FRRS1L: variants seen among roughly 807,000 people sequenced by gnomAD.
The protein encoded by FRRS1L is ferric chelate reductase 1 like, also known as DOMON domain-containing protein FRRS1L.
A neutral mutation model predicts 28.6 loss-of-function variants in FRRS1L; 22 were observed. That is an observed-to-expected ratio of 0.77 (90% CI 0.55 to 1.10). The LOEUF is 1.10. Ranked by LOEUF, FRRS1L falls within the 50% of genes least tolerant of loss-of-function variation. FRRS1L has a pLI of 0.00. For missense variants in FRRS1L, 380 were observed against 386.9 expected (o/e 0.98, Z 0.15); for synonymous variants, 158 against 151.4 (o/e 1.04, Z -0.32).
chr9:109,165,733 G>C (rs1479456010), intron 1 of FRRS1L, among the ~76,000 whole-genome samples: 1 of 152,158 alleles, frequency 6.6e-6, no homozygotes, highest in Non-Finnish European at 1.5e-5. Context: ...GGCCAAAGAA[G>C]TATAAAAATT....
intron 4 of FRRS1L, chr9:109,138,463 T>G (rs913787731): frequency 4.6e-5 from 7 of 152,162 alleles, no homozygotes; most frequent in African/African-American, 1.7e-4. Context: ...GGAATAGGGC[T>G]CAGAGTGAGG....
intron 1 of FRRS1L, among the ~76,000 whole-genome samples, chr9:109,165,413 G>T (rs1460338751): frequency 6.6e-6 from 1 of 152,188 alleles, no homozygotes; most frequent in Non-Finnish European, 1.5e-5. Context: ...GCCTCAGGGG[G>T]ATGGCAGAGC....
At position 109,136,505 on chromosome 9, in the gene FRRS1L, C is replaced by T. The variant is rs1011994318; in HGVS notation, c.*950G>A. 13 of 151,616 alleles carry T rather than the reference C, an allele frequency of 8.6e-5. No homozygotes were observed. Among genetic ancestry groups the T allele is most frequent in the African/African-American group, 3.2e-4 (13 of 41,262 alleles). The allele number at this position is 151,616 out of a possible 1,614,324, so 9.4% of individuals were successfully genotyped here. On this transcript the variant is annotated 3_prime_UTR_variant, in exon 5 of 5. Coordinates refer to ENST00000561981, the MANE Select transcript of FRRS1L (RefSeq NM_014334.4). ...CTGCTCTCTAACTGAGAAGAAATTTCAAATAAATATTATTTATTTAGTTAG... is the reference window on the plus strand; with the variant it reads ...CTGCTCTCTAACTGAGAAGAAATTTTAAATAAATATTATTTATTTAGTTAG...
intron 4 of FRRS1L, 82 bp downstream of exon 4, chr9:109,141,261 C>T (rs749534692): frequency 6.7e-7 from 1 of 1,498,704 alleles, no homozygotes; most frequent in Non-Finnish European, 9.2e-7. Flanking sequence ...CTCTCTTGTG[C>T]ACACAGTGTG....
intron 1 of FRRS1L, among the ~76,000 whole-genome samples, chr9:109,163,670 C>T (rs1395122494): frequency 6.6e-6 from 1 of 152,116 alleles, no homozygotes; most frequent in African/African-American, 2.4e-5. Flanking sequence ...ATTCCCACCT[C>T]CACTATTCAA....
intron 1 of FRRS1L, among the ~76,000 whole-genome samples, chr9:109,158,835 A>C (rs929493372): frequency 8.5e-5 from 13 of 152,258 alleles, no homozygotes; most frequent in African/African-American, 3.1e-4. Flanking sequence ...ATTCCCTTGG[A>C]GTAGAAATGC....
At chr9:109,156,583 G>A (rs1831409616) in intron 1 of FRRS1L, among the ~76,000 whole-genome samples, 1 of 150,908 alleles carries the variant, frequency 6.6e-6, no homozygotes, top group Non-Finnish European at 1.5e-5. Flanking sequence ...TAGAGACGGG[G>A]TTTCACCATG....
rs2118522778 is a variant in FRRS1L, at chr9:109,166,928, A to G, written c.211T>C (p.Tyr71His). ...SSYGTFAGEF[Y>H]DLRYLSEEGY... is the part of the protein sequence containing the mutation. ...TCCTCCGACAGGTAGCGCAGGTCGT[A>G]GAACTCCCCCGCGAAGGTGCCGTAG... Residue 71 changes from tyrosine (Y) to histidine (H), a missense_variant, in exon 1 of 5, where the codon TAC becomes CAC. Tyr to His is a moderately conservative substitution (Grantham distance 83). Coordinates refer to ENST00000561981, the MANE Select transcript of FRRS1L (RefSeq NM_014334.4). The G allele has an allele frequency of 7.3e-7, 1 of 1,366,914 alleles. No individual in the cohort carries two copies. The highest frequency in any genetic ancestry group is 9.5e-7 in the Non-Finnish European group (1 of 1,050,782). 84.7% of individuals were successfully genotyped at this position (1,366,914 alleles called of 1,614,324 possible).
Position 109,166,968 on chromosome 9 carries a change from C to T in FRRS1L, c.171G>A (p.Pro57=). 1 of 1,333,132 alleles carries T rather than the reference C, an allele frequency of 7.5e-7. No homozygotes were observed. The allele number at this position is 1,333,132 out of a possible 1,614,324, so 82.6% of individuals were successfully genotyped here. Residue 57 remains proline (P), a synonymous_variant, in exon 1 of 5, where the codon CCG becomes CCA. Transcript: ENST00000561981. ...RGDTGADEAV[P]RHDSSYGTFA... ...AGGTGCCGTAGGAGGAGTCGTGGCGCGGCACCGCCTCGTCGGCGCCCGTGT... is the reference window on the plus strand; with the variant it reads ...AGGTGCCGTAGGAGGAGTCGTGGCGTGGCACCGCCTCGTCGGCGCCCGTGT...
chr9:109,149,917 T>C, intron 1 of FRRS1L, 197 bp from the exon 2 acceptor site: 1 of 554,554 alleles, frequency 1.8e-6, no homozygotes, highest in East Asian at 3.1e-5. Context: ...TAATCTTGCA[T>C]GTGAACTGAG....
rs1341123114 is a variant in FRRS1L at position 109,131,777 on chromosome 9, A to C, written c.*5678T>G. The C allele has an allele frequency of 1.3e-5, 2 of 152,218 alleles. No homozygotes were observed. Among genetic ancestry groups the C allele is most frequent in the Non-Finnish European group, 2.9e-5 (2 of 68,028 alleles). The allele number at this position is 152,218 out of a possible 1,614,324, so 9.4% of individuals were successfully genotyped here. The stretch of plus-strand genomic sequence containing the variant: ...AGAACCACCTAACTGTTCACTAAAC[A>C]TAACCAATTCCGTTTAGAGAACAAG... On this transcript the variant is annotated 3_prime_UTR_variant, in exon 5 of 5. Coordinates refer to ENST00000561981, the MANE Select transcript of FRRS1L (RefSeq NM_014334.4).
At position 109,163,781 on chromosome 9, in the gene FRRS1L, T is replaced by C. The variant is rs190320915; in HGVS notation, c.238+3120A>G. Among the ~76,000 whole-genome samples the C allele has an allele frequency of 1.9e-3, 286 of 152,252 alleles. 1 individual carries two copies. Among genetic ancestry groups the C allele is most frequent in the African/African-American group, 6.6e-3 (274 of 41,548 alleles). On this transcript the variant is annotated intron_variant, in intron 1 of 4. Coordinates refer to ENST00000561981, the MANE Select transcript of FRRS1L (RefSeq NM_014334.4). Reference sequence around the variant, plus strand: ...GAACAAGTAGCCTAGTCACTAGAAATGGACAACCTCAAGTGTATTGATAGA... The same window carrying C: ...GAACAAGTAGCCTAGTCACTAGAAACGGACAACCTCAAGTGTATTGATAGA...
intron 2 of FRRS1L, 77 bp from the exon 3 acceptor site, chr9:109,147,266 T>C (rs1831275522): frequency 4.2e-6 from 5 of 1,194,916 alleles, no homozygotes; most frequent in Middle Eastern, 2.0e-4. Context: ...CCATGTATCA[T>C]GTGGGATGCT....
At chr9:109,144,856 T>A (rs1286293738) in intron 3 of FRRS1L, among the ~76,000 whole-genome samples, 1 of 152,052 alleles carries the variant, frequency 6.6e-6, no homozygotes, top group Non-Finnish European at 1.5e-5. Flanking sequence ...GCTAATTTTT[T>A]GTATTTTTAG....
In FRRS1L at chr9:109,135,010, T is replaced by C. The variant is rs536799657; in HGVS notation, c.*2445A>G. The C allele has an allele frequency of 6.6e-6, 1 of 152,330 alleles. No homozygotes were observed. The highest frequency in any genetic ancestry group is 2.4e-5 in the African/African-American group (1 of 41,564). The allele number at this position is 152,330 out of a possible 1,614,324, so 9.4% of individuals were successfully genotyped here. On this transcript the variant is annotated 3_prime_UTR_variant, in exon 5 of 5. Coordinates refer to ENST00000561981, the MANE Select transcript of FRRS1L (RefSeq NM_014334.4). ...AGTTCCATTATGCACTTGATGTCAT[T>C]TAATTTCTCCCCATCTGCAATGAAC...
At chr9:109,153,993 G>C (rs1380830893) in intron 1 of FRRS1L, among the ~76,000 whole-genome samples, 1 of 152,186 alleles carries the variant, frequency 6.6e-6, no homozygotes, top group Admixed American at 6.5e-5. Flanking sequence ...AAGGCAGGAG[G>C]AGGGAAAGAG....
At chr9:109,156,772 C>T (rs1831415107) in intron 1 of FRRS1L, among the ~76,000 whole-genome samples, 1 of 151,516 alleles carries the variant, frequency 6.6e-6, no homozygotes, top group Non-Finnish European at 1.5e-5. Context: ...ACCTCCACCT[C>T]CCCGGCTCAG....
At chr9:109,144,987 C>G (rs1831238924) in intron 3 of FRRS1L, among the ~76,000 whole-genome samples, 2 of 152,222 alleles carry the variant, frequency 1.3e-5, no homozygotes, top group Non-Finnish European at 2.9e-5. Context: ...GCCCTCAGCA[C>G]TGTCACTGCT....
chr9:109,163,589 T>C (rs568204856), intron 1 of FRRS1L, among the ~76,000 whole-genome samples: 4 of 152,164 alleles, frequency 2.6e-5, no homozygotes, highest in South Asian at 2.1e-4. Context: ...GCAATCTGGA[T>C]ACTGGGGAAA....
Sources: gnomAD v4.1 joint callset for allele counts (sites outside exome capture counted in the v4.1 genomes callset) on GRCh38, gnomAD v4.1.1 for gene constraint, MANE v1.5 for transcripts, NCBI Gene and HGNC (gene_info 2026-07-23, HGNC 2026-07-21) for gene names.